NKAIN1: variants seen among roughly 807,000 people sequenced by gnomAD.
NKAIN1 encodes sodium/potassium transporting ATPase interacting 1, also known as sodium/potassium-transporting ATPase subunit beta-1-interacting protein 1.
Under a neutral mutation model 31.6 loss-of-function variants are expected in NKAIN1, and 13 were observed. That is an observed-to-expected ratio of 0.41 (90% CI 0.27 to 0.65). The LOEUF (loss-of-function observed/expected upper bound fraction) is 0.65, where lower values mean the gene tolerates loss of function less well. Ranked by LOEUF, NKAIN1 falls within the 30% of genes least tolerant of loss-of-function variation. The probability of loss-of-function intolerance (pLI) is 0.30; values close to 1 mark genes in which losing one functional copy is unlikely to be tolerated. For synonymous variants in NKAIN1, 104 were observed against 109.0 expected (o/e 0.95, Z 0.28); for missense variants, 193 against 262.2 (o/e 0.74, Z 1.82).
At chr1:31,223,203 C>A (rs532911046) in intron 1 of NKAIN1, among the ~76,000 whole-genome samples, 2 of 151,958 alleles carry the variant, frequency 1.3e-5, no homozygotes, top group Non-Finnish European at 2.9e-5. Context: ...ATGGCAAAAC[C>A]CTGTCTCTAC....
chr1:31,222,437 G>A (rs1645571472), intron 1 of NKAIN1, among the ~76,000 whole-genome samples: 1 of 152,242 alleles, frequency 6.6e-6, no homozygotes, highest in African/African-American at 2.4e-5. Flanking sequence ...CAGTCCTACA[G>A]AGGGTCAAGA....
intron 1 of NKAIN1, among the ~76,000 whole-genome samples, chr1:31,231,984 T>C (rs1409587937): frequency 1.3e-5 from 2 of 151,368 alleles, no homozygotes; most frequent in Non-Finnish European, 2.9e-5. Flanking sequence ...AGTGGTGCAA[T>C]CATGGCTCAC....
chr1:31,218,080 TGAGATGGA>T (rs2148362508), intron 1 of NKAIN1, among the ~76,000 whole-genome samples: 1 of 84,562 alleles, frequency 1.2e-5, no homozygotes, highest in African/African-American at 3.7e-5. Flanking sequence ...TTTTTTTTTT[TGAGATGGA>T]GTCTCGCTCT....
chr1:31,196,672 G>A (rs1192424024), intron 1 of NKAIN1, among the ~76,000 whole-genome samples: 1 of 151,474 alleles, frequency 6.6e-6, no homozygotes, highest in Non-Finnish European at 1.5e-5. Context: ...CTCCAGCCTG[G>A]GCGACAGAGT....
rs778448409 is a variant in NKAIN1, at chr1:31,188,004, G to C, written c.192+46C>G. 4 of 1,537,532 alleles carry C rather than the reference G, an allele frequency of 2.6e-6. No homozygotes were observed. The South Asian group carries it at 4.9e-5, about 19-fold the overall frequency. On this transcript the variant is annotated intron_variant, in intron 2 of 6. Transcript: ENST00000373736. Reference sequence around the variant, plus strand: ...GAGCAGGGAGGGGTGGAGTGGGCAGGGGTGAGGAGAGGAGTTGGCTTGGGA... The same window carrying C: ...GAGCAGGGAGGGGTGGAGTGGGCAGCGGTGAGGAGAGGAGTTGGCTTGGGA...
chr1:31,221,666 C>T (rs960182533), intron 1 of NKAIN1, among the ~76,000 whole-genome samples: 6 of 152,080 alleles, frequency 3.9e-5, no homozygotes, highest in Admixed American at 2.6e-4. Flanking sequence ...GATCTCTTGA[C>T]CTCATGATCT....
chr1:31,193,617 A>T (rs1195018174), intron 1 of NKAIN1, among the ~76,000 whole-genome samples: 1 of 151,876 alleles, frequency 6.6e-6, no homozygotes, highest in Non-Finnish European at 1.5e-5. Context: ...AATTACTTGA[A>T]CCCGGGAGGT....
At chr1:31,217,011 G>A (rs181644839) in intron 1 of NKAIN1, among the ~76,000 whole-genome samples, 5 of 152,234 alleles carry the variant, frequency 3.3e-5, no homozygotes, top group East Asian at 3.9e-4. Flanking sequence ...GATTACAGGC[G>A]TGTGCCACCA....
intron 1 of NKAIN1, among the ~76,000 whole-genome samples, chr1:31,204,536 C>A (rs1645408895): frequency 6.6e-6 from 1 of 152,132 alleles, no homozygotes; most frequent in African/African-American, 2.4e-5. Flanking sequence ...GCAGCCAAGG[C>A]CTGGAAAGAA....
chr1:31,191,859 C>T (rs1316170430), intron 1 of NKAIN1, among the ~76,000 whole-genome samples: 1 of 152,176 alleles, frequency 6.6e-6, no homozygotes, highest in Admixed American at 6.5e-5. Flanking sequence ...TCACTGTAAC[C>T]TCAAATTCCT....
chr1:31,212,475 G>A (rs936479756), intron 1 of NKAIN1, among the ~76,000 whole-genome samples: 1 of 150,532 alleles, frequency 6.6e-6, no homozygotes, highest in African/African-American at 2.5e-5. Context: ...CACAATCTCT[G>A]CTCACTGCAA....
At chr1:31,201,836 A>G (rs1300051707) in intron 1 of NKAIN1, among the ~76,000 whole-genome samples, 1 of 152,186 alleles carries the variant, frequency 6.6e-6, no homozygotes, top group Admixed American at 6.5e-5. Context: ...TGCATGCCCC[A>G]GCATTTGGGA....
intron 1 of NKAIN1, among the ~76,000 whole-genome samples, chr1:31,193,122 G>A (rs1341844779): frequency 6.6e-6 from 1 of 151,228 alleles, no homozygotes; most frequent in Non-Finnish European, 1.5e-5. Flanking sequence ...AGGCTGGAGT[G>A]CAGTGGCGTG....
intron 1 of NKAIN1, among the ~76,000 whole-genome samples, chr1:31,197,237 G>C (rs184468622): frequency 6.7e-6 from 1 of 150,072 alleles, no homozygotes; most frequent in African/African-American, 2.5e-5. Context: ...TCAGCCTCCC[G>C]AGTAGCTGGG....
chr1:31,217,576 G>A (rs1298171194), intron 1 of NKAIN1, among the ~76,000 whole-genome samples: 1 of 152,248 alleles, frequency 6.6e-6, no homozygotes, highest in Non-Finnish European at 1.5e-5. Context: ...GGCTCTAGCA[G>A]CAGACTCTTG....
At chr1:31,216,690 T>TTTA (rs1645515308) in intron 1 of NKAIN1, among the ~76,000 whole-genome samples, 1 of 140,490 alleles carries the variant, frequency 7.1e-6, no homozygotes, top group Non-Finnish European at 1.5e-5. Flanking sequence ...TGGCATTGAC[T>TTTA]TTTATTTATT....
At chr1:31,221,724 G>A (rs1645566705) in intron 1 of NKAIN1, among the ~76,000 whole-genome samples, 1 of 152,136 alleles carries the variant, frequency 6.6e-6, no homozygotes, top group African/African-American at 2.4e-5. Flanking sequence ...ATGAGCCACT[G>A]CACCTGACCT....
At position 31,228,086 on chromosome 1, in the gene NKAIN1, A is replaced by G. The variant is rs150362176; in HGVS notation, c.54+11408T>C. 2.3e-3 allele frequency among the ~76,000 whole-genome samples: 343 copies of G among 152,322 alleles called. 3 individuals carry two copies. Among genetic ancestry groups the G allele is most frequent in the Non-Finnish European group, 3.8e-3 (260 of 68,026 alleles). ...AGTGTGAAGGCATCCTGGCATCATT[A>G]GGGAGCGCGCTGAGTAGTATAAACA... On this transcript the variant is annotated intron_variant, in intron 1 of 6. Coordinates refer to ENST00000373736, the MANE Select transcript of NKAIN1 (RefSeq NM_024522.3).
chr1:31,187,774 G>A (rs1056960355), intron 2 of NKAIN1, among the ~76,000 whole-genome samples: 2 of 151,824 alleles, frequency 1.3e-5, no homozygotes, highest in African/African-American at 2.4e-5. Flanking sequence ...GTGAAATTTC[G>A]CAGCGTGCCT....
Sources: gnomAD v4.1 joint callset for allele counts (sites outside exome capture counted in the v4.1 genomes callset) on GRCh38, gnomAD v4.1.1 for gene constraint, MANE v1.5 for transcripts, NCBI Gene and HGNC (gene_info 2026-07-23, HGNC 2026-07-21) for gene names.